Variants in S100A7 observed in about 807,000 individuals in gnomAD.
S100A7 encodes the protein protein S100-A7.
Under a neutral mutation model 3.8 loss-of-function variants are expected in S100A7, and 2 were observed. That is an observed-to-expected ratio of 0.53 (90% CI 0.22 to 1.67). The LOEUF (loss-of-function observed/expected upper bound fraction) is 1.67. Ranked by LOEUF, S100A7 falls within the 40% of genes most tolerant of loss-of-function variation. The probability of loss-of-function intolerance (pLI) is 0.20; values close to 1 mark genes in which losing one functional copy is unlikely to be tolerated. For synonymous variants in S100A7, 55 were observed against 45.9 expected, an observed-to-expected ratio of 1.20 and a Z score of -0.80; for missense variants, 130 against 126.3, an observed-to-expected ratio of 1.03 and a Z score of -0.14.
At chr1:153,458,089 G>A (rs1461914778) in intron 2 of S100A7, 119 bp from the exon 3 acceptor site, 16 of 1,150,392 alleles carry the variant, frequency 1.4e-5, no homozygotes, top group Admixed American at 1.1e-4. Context: ...GCATGGTGGC[G>A]GGGCTGAGAG....
chr1:153,458,954 G>A lies in S100A7; in HGVS notation c.60C>T (p.Tyr20=). ...IIGMIDMFHK[Y]TRRDDKIEKP... ...TCTCAATCTTGTCATCACGTCTGGT[G>A]TATTTGTGAAACATGTCGATCATGC... is the stretch of plus-strand genomic sequence containing the variant. The change falls in exon 2 of 3, where the codon TAC becomes TAT. Residue 20 remains tyrosine, a synonymous_variant. Coordinates refer to ENST00000368723, the MANE Select transcript of S100A7 (RefSeq NM_002963.4). 6.2e-7 allele frequency: 1 copy of A among 1,614,068 alleles called. No individual in the cohort carries two copies. Among genetic ancestry groups the A allele is most frequent in the Non-Finnish European group, 8.5e-7 (1 of 1,179,968 alleles).
In S100A7 at chr1:153,457,871, C is replaced by A. The variant is rs757087766; in HGVS notation, c.241G>T (p.Asp81Tyr). 3.7e-6 allele frequency: 6 copies of A among 1,614,068 alleles called. No homozygotes were observed. The highest frequency in any genetic ancestry group is 5.1e-6 in the Non-Finnish European group (6 of 1,180,058). Reference protein sequence around the residue: ...DFSEFLSLLGDIATDYHKQSH... With the variant: ...DFSEFLSLLGYIATDYHKQSH... Reference sequence around the variant, plus strand: ...TGCTTGTGGTAGTCTGTGGCTATGTCTCCCAGCAAGGACAGAAACTCAGAA... The same window carrying A: ...TGCTTGTGGTAGTCTGTGGCTATGTATCCCAGCAAGGACAGAAACTCAGAA... Residue 81 changes from aspartate (D) to tyrosine (Y), a missense_variant, in exon 3 of 3, where the codon GAC becomes TAC. By Grantham distance (160) the Asp-to-Tyr change is radical (BLOSUM62 -3). Coordinates refer to ENST00000368723, the MANE Select transcript of S100A7 (RefSeq NM_002963.4).
rs555854896 is a variant in S100A7, at chr1:153,458,538, A to C, written c.141+335T>G. 5.7e-4 allele frequency among the ~76,000 whole-genome samples: 86 copies of C among 152,146 alleles called. 2 individuals carry two copies. The highest frequency in any genetic ancestry group is 2.4e-3 in the Admixed American group (37 of 15,272). On this transcript the variant is annotated intron_variant, in intron 2 of 2. Transcript: ENST00000368723. The stretch of plus-strand genomic sequence containing the variant: ...ATGGAACTTCTAGTGCTTTCCCAGT[A>C]ATCTCAGGGATGTTGATGTGGGGCC...
intron 2 of S100A7, among the ~76,000 whole-genome samples, chr1:153,458,294 C>A (rs552000107): frequency 1.3e-5 from 2 of 152,258 alleles, no homozygotes; most frequent in East Asian, 1.9e-4. Flanking sequence ...GCACTGCCTA[C>A]CTTAGTTCTA....
In S100A7 at chr1:153,457,966, T is replaced by G. The variant is rs1663729668; in HGVS notation, c.146A>C (p.Lys49Thr). ...ATCGGCGAGGTAATTTGTGCCCTTT[T>G]TGTCCTGTGAAGAGAAAAACATACA... ...NFPNFLSACDKKGTNYLADVF... is the reference protein window; with the variant it reads ...NFPNFLSACDTKGTNYLADVF... Residue 49 changes from lysine (K) to threonine (T), a missense_variant, in exon 3 of 3, where the codon AAA becomes ACA. Coordinates refer to ENST00000368723, the MANE Select transcript of S100A7 (RefSeq NM_002963.4). 6.2e-7 allele frequency: 1 copy of G among 1,613,874 alleles called. No individual in the cohort carries two copies. The highest frequency in any genetic ancestry group is 1.7e-5 in the Admixed American group (1 of 59,996).
At chr1:153,460,406 G>C (rs1234467070) in intron 1 of S100A7, among the ~76,000 whole-genome samples, 1 of 152,230 alleles carries the variant, frequency 6.6e-6, no homozygotes, top group Non-Finnish European at 1.5e-5. Flanking sequence ...AAGGAGCAAT[G>C]GACAGGTCTG....
intron 1 of S100A7, among the ~76,000 whole-genome samples, chr1:153,459,643 C>T (rs1663779996): frequency 6.6e-6 from 1 of 152,154 alleles, no homozygotes; most frequent in Non-Finnish European, 1.5e-5. Flanking sequence ...TCTTGTATTC[C>T]CTTGGGAACG....
At chr1:153,460,226 T>C (rs771261039) in intron 1 of S100A7, among the ~76,000 whole-genome samples, 1 of 152,128 alleles carries the variant, frequency 6.6e-6, no homozygotes, top group Non-Finnish European at 1.5e-5. Flanking sequence ...CTCCAAAGCA[T>C]TCACAGGGGA....
intron 1 of S100A7, chr1:153,460,009 A>G (rs1413949247): frequency 6.6e-6 from 1 of 152,492 alleles, no homozygotes; most frequent in Non-Finnish European, 1.5e-5. Flanking sequence ...CATGCCGGCA[A>G]CTGACTAAGA....
In S100A7 at chr1:153,457,786, G is replaced by A; in HGVS notation, c.*20C>T. On this transcript the variant is annotated 3_prime_UTR_variant, in exon 3 of 3. Transcript: ENST00000368723. ...TTTTATTGTTCCTGGGGTCTCTGGAGGCCCATTGGTGGGGCTGGGTCACTG... is the reference window on the plus strand; with the variant it reads ...TTTTATTGTTCCTGGGGTCTCTGGAAGCCCATTGGTGGGGCTGGGTCACTG... 2 of 1,612,858 alleles carry A rather than the reference G, an allele frequency of 1.2e-6. No individual in the cohort carries two copies. Among genetic ancestry groups the A allele is most frequent in the Non-Finnish European group, 1.7e-6 (2 of 1,179,262 alleles).
rs751639203 is a variant in S100A7, at chr1:153,457,951, T to C, written c.161A>G (p.Tyr54Cys). ...LSACDKKGTN[Y>C]LADVFEKKDK... ...CTTTTTCTCAAAGACATCGGCGAGGTAATTTGTGCCCTTTTTGTCCTGTGA... is the reference window on the plus strand; with the variant it reads ...CTTTTTCTCAAAGACATCGGCGAGGCAATTTGTGCCCTTTTTGTCCTGTGA... The change falls in exon 3 of 3, where the codon TAC (tyrosine) becomes TGC (cysteine). Residue 54 changes from tyrosine (Y) to cysteine (C), a missense_variant. Physicochemically the swap from Tyr to Cys is radical, Grantham distance 194. Coordinates refer to ENST00000368723, the MANE Select transcript of S100A7 (RefSeq NM_002963.4). 3 of 1,614,098 alleles carry C rather than the reference T, an allele frequency of 1.9e-6. No individual in the cohort carries two copies. The South Asian group carries it at 3.3e-5, about 18-fold the overall frequency.
chr1:153,458,718 C>G (rs1352182394), intron 2 of S100A7, among the ~76,000 whole-genome samples, 155 bp downstream of exon 2: 1 of 152,204 alleles, frequency 6.6e-6, no homozygotes, highest in Non-Finnish European at 1.5e-5. Flanking sequence ...CATTTTCATA[C>G]TTTTTTGCCT....
chr1:153,458,780 G>T, intron 2 of S100A7, 93 bp downstream of exon 2: 1 of 1,471,608 alleles, frequency 6.8e-7, no homozygotes, highest in Non-Finnish European at 9.2e-7. Context: ...ATTTGCAAAT[G>T]GGAAATTTTT....
rs1322404562 is a variant in S100A7, at chr1:153,457,907, T to C, written c.205A>G (p.Lys69Glu). 1 of 1,614,172 alleles carries C rather than the reference T, an allele frequency of 6.2e-7. No individual in the cohort carries two copies. The highest frequency in any genetic ancestry group is 2.2e-5 in the East Asian group (1 of 44,888). The change falls in exon 3 of 3, where the codon AAG (lysine) becomes GAG (glutamate). Residue 69 changes from lysine to glutamate, a missense_variant. Transcript: ENST00000368723. The part of the protein sequence containing the change: ...FEKKDKNEDK[K>E]IDFSEFLSLL... ...GACAGAAACTCAGAAAAATCAATCT[T>C]CTTATCCTCATTCTTGTCCTTTTTC...
chr1:153,459,114 C>T, intron 1 of S100A7, 84 bp from the exon 2 acceptor site: 1 of 1,500,456 alleles, frequency 6.7e-7, no homozygotes, highest in Non-Finnish European at 9.0e-7. Context: ...GGGCTGAGGA[C>T]AGAGTAAAAA....
intron 1 of S100A7, among the ~76,000 whole-genome samples, chr1:153,460,322 G>A (rs188956425): frequency 2.6e-5 from 4 of 152,344 alleles, no homozygotes; most frequent in African/African-American, 9.6e-5. Flanking sequence ...ATCCAGGGAG[G>A]AAGAGGACAG....
At chr1:153,459,564 G>T (rs1663776669) in intron 1 of S100A7, among the ~76,000 whole-genome samples, 1 of 152,204 alleles carries the variant, frequency 6.6e-6, no homozygotes, top group African/African-American at 2.4e-5. Flanking sequence ...GCAGGCTCCA[G>T]GTGCACATGT....
chr1:153,459,078 G>A, intron 1 of S100A7, 48 bp from the exon 2 acceptor site: 2 of 1,593,530 alleles, frequency 1.3e-6, no homozygotes, highest in Non-Finnish European at 1.7e-6. Flanking sequence ...TTAAGTTAGG[G>A]TCTCTATTTG....
rs537382879 is a variant in S100A7 at position 153,458,469 on chromosome 1, T to C, written c.141+404A>G. 3.3e-5 allele frequency among the ~76,000 whole-genome samples: 5 copies of C among 152,290 alleles called. No individual in the cohort carries two copies. In the South Asian group the frequency reaches 8.3e-4, roughly 25 times the overall value. ...CACAGTTTTTTTTCAGATTTGCTAA[T>C]GAGTCTTGTTTATTGCAAAGAGGGC... On this transcript the variant is annotated intron_variant, in intron 2 of 2. Transcript: ENST00000368723.
Sources: gnomAD v4.1 joint callset for allele counts (sites outside exome capture counted in the v4.1 genomes callset) on GRCh38, gnomAD v4.1.1 for gene constraint, MANE v1.5 for transcripts, NCBI Gene and HGNC (gene_info 2026-07-23, HGNC 2026-07-21) for gene names.